The following SEPTIN8 variants were observed in gnomAD, a reference collection of about 807,000 sequenced individuals.
The protein encoded by SEPTIN8 is septin-8.
In SEPTIN8, 22 loss-of-function variants were observed where a neutral mutation model predicts 53.1. That is an observed-to-expected ratio of 0.41 (90% CI 0.30 to 0.59). The LOEUF is 0.59. Among genes scored for constraint, SEPTIN8 ranks in the 20% least tolerant of loss-of-function variants. The pLI is 0.24. For missense variants in SEPTIN8, 536 were observed against 638.7 expected, an observed-to-expected ratio of 0.84 and a Z score of 1.73; for synonymous variants, 228 against 248.4, an observed-to-expected ratio of 0.92 and a Z score of 0.77.
At chr5:132,763,929 G>T in intron 3 of SEPTIN8, 37 bp from the exon 4 acceptor site, 1 of 1,522,792 alleles carries the variant, frequency 6.6e-7, no homozygotes, top group South Asian at 1.3e-5. Context: ...GCTGCCAGCT[G>T]AGATCAGGGG....
chr5:132,755,518 C>T (rs1755246789), intron 9 of SEPTIN8, among the ~76,000 whole-genome samples: 1 of 152,082 alleles, frequency 6.6e-6, no homozygotes, highest in Admixed American at 6.5e-5. Context: ...GCCATGTAAC[C>T]TTGGGTAATT....
In SEPTIN8 at chr5:132,776,622, A is replaced by C. The variant is rs896245813; in HGVS notation, c.30+486T>G. Among the ~76,000 whole-genome samples, 1 of 152,106 alleles carries C rather than the reference A, an allele frequency of 6.6e-6. No homozygotes were observed. The highest frequency in any genetic ancestry group is 1.5e-5 in the Non-Finnish European group (1 of 68,016). ...GCAGGCCAAGGGTCTTCAGGACTCA[A>C]GTCTGCAACTGTCCTGGGCTCGTGT... On this transcript the variant is annotated intron_variant, in intron 1 of 9. Transcript: ENST00000378719. The surrounding 1 kb of genome is among the most constrained non-coding windows in gnomAD (Gnocchi z 4.4).
chr5:132,758,873 GAT>G (rs1298483158), intron 9 of SEPTIN8: 1 of 1,553,070 alleles, frequency 6.4e-7, no homozygotes, highest in Non-Finnish European at 8.9e-7. Flanking sequence ...CACATTAAAA[GAT>G]ATGCAGACCA....
intron 9 of SEPTIN8, among the ~76,000 whole-genome samples, chr5:132,755,657 G>A (rs1755260869): frequency 6.6e-6 from 1 of 152,192 alleles, no homozygotes; most frequent in Non-Finnish European, 1.5e-5. Context: ...AATATTAGTA[G>A]TCCCGTGGCA....
rs571416406 is a variant in SEPTIN8 at position 132,751,408 on chromosome 5, T to G, written c.*608A>C. 5.4e-6 allele frequency: 1 copy of G among 186,604 alleles called. No homozygotes were observed. Among genetic ancestry groups the G allele is most frequent in the African/African-American group, 2.4e-5 (1 of 42,082 alleles). The allele number at this position is 186,604 out of a possible 1,614,324, so 11.6% of individuals were successfully genotyped here. A position where few individuals can be genotyped will look rare whatever the true frequency, so the allele number is the denominator to read the frequency against. ...TCCTTATTGAAGCTTTAGACCATAT[T>G]GATCTGGCACTTAAAAAAATATCAT... On this transcript the variant is annotated 3_prime_UTR_variant, in exon 10 of 10. Coordinates refer to ENST00000378719, the MANE Select transcript of SEPTIN8 (RefSeq NM_001098811.2).
intron 9 of SEPTIN8, chr5:132,756,437 G>C: frequency 4.1e-6 from 4 of 985,384 alleles, no homozygotes; most frequent in Non-Finnish European, 4.8e-6. Context: ...AGACATGATA[G>C]TAAATGCCAA....
chr5:132,779,073 T>G (rs1757990563), upstream of SEPTIN8, among the ~76,000 whole-genome samples: 1 of 152,188 alleles, frequency 6.6e-6, no homozygotes, highest in African/African-American at 2.4e-5. Context: ...AAGCTCAGAG[T>G]ACAGGTGACT....
intron 9 of SEPTIN8, chr5:132,757,790 G>C: frequency 1.0e-6 from 1 of 985,416 alleles, no homozygotes; most frequent in Non-Finnish European, 1.2e-6. Context: ...CCTTTAGAGT[G>C]CAGCTGAAGG....
chr5:132,758,052 T>A, intron 9 of SEPTIN8: 1 of 995,612 alleles, frequency 1.0e-6, no homozygotes, highest in Non-Finnish European at 1.2e-6. Context: ...GACAACAGCT[T>A]TGGGCTGCTG....
At chr5:132,774,148 T>G (rs1465858759) in intron 1 of SEPTIN8, 1 of 166,726 alleles carries the variant, frequency 6.0e-6, no homozygotes, top group Admixed American at 6.5e-5. Context: ...AGGTACTCCC[T>G]GAAGAGCCCG....
Position 132,763,870 on chromosome 5 carries a change from T to C in SEPTIN8, c.370A>G (p.Ile124Val), listed in dbSNP as rs1756271211. Residue 124 changes from isoleucine to valine, a missense_variant, in exon 4 of 10, where the codon ATC (isoleucine) becomes GTC (valine). By Grantham distance (29) the Ile-to-Val change is conservative. Transcript: ENST00000378719. ...DESYRPIVDYIDAQFENYLQE... is the reference protein window; with the variant it reads ...DESYRPIVDYVDAQFENYLQE... ...AGATAATTTTCAAACTGCGCATCGA[T>C]GTAGTCAACTATGGGCCTGTAACTA... 3.8e-6 allele frequency: 6 copies of C among 1,587,570 alleles called. No individual in the cohort carries two copies. The East Asian group carries it at 9.0e-5, about 24-fold the overall frequency.
Position 132,751,878 on chromosome 5 carries a change from T to C in SEPTIN8, c.*138A>G. ...TTGGGCAACATTTGATGTTCCCTGA[T>C]GGAAATTTAAATTGTTTGCACTTTT... is the stretch of plus-strand genomic sequence containing the variant. On this transcript the variant is annotated 3_prime_UTR_variant, in exon 10 of 10. Coordinates refer to ENST00000378719, the MANE Select transcript of SEPTIN8 (RefSeq NM_001098811.2). The C allele has an allele frequency of 6.9e-7, 1 of 1,444,016 alleles. No homozygotes were observed. The highest frequency in any genetic ancestry group is 2.5e-5 in the East Asian group (1 of 40,336). The allele number at this position is 1,444,016 out of a possible 1,614,324, so 89.5% of individuals were successfully genotyped here.
intron 9 of SEPTIN8, among the ~76,000 whole-genome samples, chr5:132,755,704 G>A (rs1755265606): frequency 6.6e-6 from 1 of 152,208 alleles, no homozygotes; most frequent in Non-Finnish European, 1.5e-5. Context: ...CTCAAGGGCA[G>A]GTGCCCCTTT....
Position 132,761,028 on chromosome 5 carries a change from A to C in SEPTIN8, c.1096-36T>G. 6.3e-7 allele frequency: 1 copy of C among 1,589,866 alleles called. No individual in the cohort carries two copies. The highest frequency in any genetic ancestry group is 8.6e-7 in the Non-Finnish European group (1 of 1,167,186). Reference sequence around the variant, plus strand: ...AAAGGGGGCAGAAGATGCGGGGAGCAAGAGGAGGGCTTGAGCCTGGGCCAG... The same window carrying C: ...AAAGGGGGCAGAAGATGCGGGGAGCCAGAGGAGGGCTTGAGCCTGGGCCAG... On this transcript the variant is annotated intron_variant, in intron 8 of 9. Coordinates refer to ENST00000378719, the MANE Select transcript of SEPTIN8 (RefSeq NM_001098811.2). The surrounding 1 kb of genome is among the most constrained non-coding windows in gnomAD (Gnocchi z 5.8).
At chr5:132,766,070 C>T (rs1239077934) in intron 1 of SEPTIN8, among the ~76,000 whole-genome samples, 1 of 152,232 alleles carries the variant, frequency 6.6e-6, no homozygotes, top group East Asian at 1.9e-4. Context: ...ATCAGCTGGG[C>T]TCGTAGCCCT....
At chr5:132,754,352 T>G (rs1334790086) in intron 9 of SEPTIN8, 4 of 714,262 alleles carry the variant, frequency 5.6e-6, no homozygotes. Flanking sequence ...CTCTGCCTCC[T>G]TCCTTCCAGT....
intron 9 of SEPTIN8, among the ~76,000 whole-genome samples, chr5:132,755,494 T>TACCAGCG (rs1452130510): frequency 3.5e-4 from 54 of 152,296 alleles, no homozygotes; most frequent in African/African-American, 1.3e-3. Context: ...AAATCTCAAC[T>TACCAGCG]TCTCCAGTTA....
intron 9 of SEPTIN8, chr5:132,753,127 A>C: frequency 1.6e-6 from 1 of 635,748 alleles, no homozygotes; most frequent in Non-Finnish European, 2.7e-6. Context: ...CTTGGAAAAA[A>C]AATAAAGGGG....
intron 1 of SEPTIN8, among the ~76,000 whole-genome samples, chr5:132,771,955 AGAGGACACCTGG>A (rs1325513817): frequency 9.8e-5 from 15 of 152,292 alleles, no homozygotes; most frequent in African/African-American, 3.1e-4. Context: ...TCCCAAATCA[AGAGGACACCTGG>A]GAGCCAAAGC....
Sources: allele counts gnomAD v4.1 joint callset (sites outside exome capture counted in the v4.1 genomes callset), GRCh38; gene constraint gnomAD v4.1.1; non-coding constraint Gnocchi (gnomAD v3.1); transcripts MANE v1.5; gene names NCBI Gene and HGNC (gene_info 2026-07-23, HGNC 2026-07-21).